Variants in ASIC5 observed in about 807,000 individuals in gnomAD.
ASIC5 encodes the protein bile acid-sensitive ion channel.
ASIC5 carries 52 observed loss-of-function variants against 51.2 expected under a neutral mutation model. That is an observed-to-expected ratio of 1.02 (90% confidence interval 0.81 to 1.28). The LOEUF is 1.28. Among genes scored for constraint, ASIC5 ranks in the 50% most tolerant of loss-of-function variants. The pLI is 0.00. For missense variants in ASIC5, 635 were observed against 595.0 expected (o/e 1.07, Z -0.70); for synonymous variants, 231 against 200.7 (o/e 1.15, Z -1.28).
intron 4 of ASIC5, among the ~76,000 whole-genome samples, chr4:155,850,268 A>G (rs1741351203): frequency 6.6e-6 from 1 of 152,004 alleles, no homozygotes; most frequent in Admixed American, 6.6e-5. Context: ...AGAAACTCAA[A>G]AAAAATGCAA....
intron 7 of ASIC5, among the ~76,000 whole-genome samples, chr4:155,837,661 G>A (rs914176469): frequency 6.6e-6 from 1 of 151,916 alleles, no homozygotes; most frequent in Non-Finnish European, 1.5e-5. Flanking sequence ...CTCTAACTTT[G>A]ACTTCTCTAG....
intron 6 of ASIC5, among the ~76,000 whole-genome samples, chr4:155,839,596 C>A (rs779423515): frequency 1.3e-5 from 2 of 152,042 alleles, no homozygotes; most frequent in Admixed American, 1.3e-4. Context: ...CAGCAGTTAG[C>A]CACAATGTTT....
chr4:155,832,634 A>C (rs1244026363), intron 8 of ASIC5, among the ~76,000 whole-genome samples: 1 of 152,120 alleles, frequency 6.6e-6, no homozygotes, highest in Non-Finnish European at 1.5e-5. Context: ...TTCTACTTGG[A>C]TGTCTAATAG....
chr4:155,854,024 G>T, intron 3 of ASIC5, 53 bp downstream of exon 3: 1 of 1,325,304 alleles, frequency 7.5e-7, no homozygotes. Flanking sequence ...GTGAAACAGT[G>T]CAGTAACGGA....
Position 155,842,311 on chromosome 4 carries a change from A to T in ASIC5, c.905T>A (p.Ile302Asn). The T allele has an allele frequency of 1.2e-6, 2 of 1,613,560 alleles. No homozygotes were observed. Among genetic ancestry groups the T allele is most frequent in the Non-Finnish European group, 1.7e-6 (2 of 1,179,678 alleles). ...EYPWGECNPN[I>N]KLQNFSSYST... ...GTAGCTGCTAAAATTCTGCAGCTTG[A>T]TGTTAGGATTGCATTCTCCCCAAGG... Residue 302 changes from isoleucine (I) to asparagine (N), a missense_variant, in exon 6 of 10, where the codon ATC (isoleucine) becomes AAC (asparagine). Ile to Asn is a moderately radical substitution (Grantham distance 149, BLOSUM62 -3). Transcript: ENST00000537611.
chr4:155,835,816 G>A (rs776830759), intron 8 of ASIC5, among the ~76,000 whole-genome samples: 9 of 152,006 alleles, frequency 5.9e-5, no homozygotes, highest in Admixed American at 1.3e-4. Context: ...TTACCTCAGC[G>A]TTTACATGGG....
intron 4 of ASIC5, among the ~76,000 whole-genome samples, chr4:155,845,910 T>A (rs1420617068): frequency 6.6e-6 from 1 of 151,996 alleles, no homozygotes; most frequent in East Asian, 1.9e-4. Flanking sequence ...TTATCAAGAA[T>A]CTGAATGTCT....
chr4:155,844,824 C>T (rs994743590), intron 4 of ASIC5, among the ~76,000 whole-genome samples: 3 of 151,968 alleles, frequency 2.0e-5, no homozygotes, highest in Non-Finnish European at 4.4e-5. Flanking sequence ...ATAAGTATCC[C>T]CCTCAGAAGA....
At position 155,843,447 on chromosome 4, in the gene ASIC5, A is replaced by G. The variant is rs148419409; in HGVS notation, c.861+234T>C. Among the ~76,000 whole-genome samples the G allele has an allele frequency of 3.7e-3, 561 of 152,146 alleles. 3 individuals are homozygous for G. Among genetic ancestry groups the G allele is most frequent in the African/African-American group, 0.013 (540 of 41,520 alleles). On this transcript the variant is annotated intron_variant, in intron 5 of 9. Transcript: ENST00000537611. The stretch of plus-strand genomic sequence containing the variant: ...CTCTTTATACTTAATGACCCTTTCC[A>G]TTTCTAATGAAATGTAAAGTTTGGA...
rs183850179 is a variant in ASIC5 at position 155,850,482 on chromosome 4, A to G, written c.711+1709T>C. Among the ~76,000 whole-genome samples the G allele has an allele frequency of 3.0e-4, 46 of 152,172 alleles. 1 individual carries two copies. The highest frequency in any genetic ancestry group is 5.9e-5 in the Non-Finnish European group (4 of 67,974). On this transcript the variant is annotated intron_variant, in intron 4 of 9. Coordinates refer to ENST00000537611, the MANE Select transcript of ASIC5 (RefSeq NM_017419.3). ...GGCTGTGTCATGGGTGCCTGTTCTT[A>G]ACTTTGGCAAATAAACTTTCTAAAA...
chr4:155,853,328 T>C (rs1049078642), intron 3 of ASIC5, among the ~76,000 whole-genome samples: 10 of 151,910 alleles, frequency 6.6e-5, no homozygotes, highest in Non-Finnish European at 1.0e-4. Context: ...AGAAATTGTA[T>C]TGAAGAACAA....
chr4:155,851,227 C>T (rs572284441), intron 4 of ASIC5, among the ~76,000 whole-genome samples: 18 of 152,044 alleles, frequency 1.2e-4, no homozygotes, highest in African/African-American at 4.1e-4. Flanking sequence ...ATTTGAATGA[C>T]TCGAAAGTAT....
At chr4:155,831,625 G>A (rs1297717728) in intron 9 of ASIC5, among the ~76,000 whole-genome samples, 199 bp downstream of exon 9, 1 of 152,118 alleles carries the variant, frequency 6.6e-6, no homozygotes, top group Admixed American at 6.6e-5. Flanking sequence ...CAAAAAATTA[G>A]CCAGGCGTGG....
intron 2 of ASIC5, among the ~76,000 whole-genome samples, chr4:155,859,390 T>C (rs1419207612): frequency 6.6e-6 from 1 of 152,002 alleles, no homozygotes; most frequent in Non-Finnish European, 1.5e-5. Flanking sequence ...TTTTGTCATA[T>C]AGAGGAGGGA....
intron 2 of ASIC5, 57 bp downstream of exon 2, chr4:155,863,391 A>G: frequency 7.4e-7 from 1 of 1,355,690 alleles, no homozygotes; most frequent in Non-Finnish European, 1.0e-6. Flanking sequence ...GTCATCCAAG[A>G]AAGATTATAC....
rs775848552 is a variant in ASIC5 at position 155,829,915 on chromosome 4, G to C, written c.1459C>G (p.Gln487Glu). The C allele has an allele frequency of 6.2e-7, 1 of 1,605,684 alleles. No homozygotes were observed. The highest frequency in any genetic ancestry group is 1.3e-5 in the African/African-American group (1 of 74,448). The change falls in exon 10 of 10, where the codon CAG (glutamine) becomes GAG (glutamate). Residue 487 changes from glutamine to glutamate, a missense_variant. By Grantham distance (29) the Gln-to-Glu change is conservative (BLOSUM62 2). Transcript: ENST00000537611. ...TGATTCTGAGGTGGAGGAGTCCACT[G>C]GGTCATTTCAGATATCTTCAGCAAA... The part of the protein sequence containing the change: ...FFLLKISEMT[Q>E]WTPPPQNHLG...
At chr4:155,844,552 T>C (rs1346141321) in intron 4 of ASIC5, among the ~76,000 whole-genome samples, 11 of 152,014 alleles carry the variant, frequency 7.2e-5, no homozygotes, top group Admixed American at 7.2e-4. Context: ...AGAAATCATA[T>C]AATTTGTGTG....
At chr4:155,853,694 C>T (rs889606010) in intron 3 of ASIC5, among the ~76,000 whole-genome samples, 1 of 149,954 alleles carries the variant, frequency 6.7e-6, no homozygotes, top group Non-Finnish European at 1.5e-5. Context: ...GTCTCTAATG[C>T]AATACCATAA....
intron 7 of ASIC5, among the ~76,000 whole-genome samples, chr4:155,837,825 G>A (rs1216949302): frequency 1.3e-5 from 2 of 151,512 alleles, no homozygotes; most frequent in African/African-American, 4.8e-5. Context: ...ATACTCTCAT[G>A]TACATAATAC....
Sources: allele counts gnomAD v4.1 joint callset (sites outside exome capture counted in the v4.1 genomes callset), GRCh38; gene constraint gnomAD v4.1.1; transcripts MANE v1.5; gene names NCBI Gene and HGNC (gene_info 2026-07-23, HGNC 2026-07-21).